Variants in KL observed in about 807,000 individuals in gnomAD.
KL encodes alpha-klotho.
KL carries 62 observed loss-of-function variants against 84.2 expected under a neutral mutation model. The observed-to-expected ratio is 0.74, with a 90% confidence interval of 0.60 to 0.91. KL has a LOEUF of 0.91. Ranked by LOEUF, KL falls within the 40% of genes least tolerant of loss-of-function variation. KL has a pLI of 0.00. For missense variants in KL, 1,261 were observed against 1,305.7 expected (o/e 0.97, Z 0.53); for synonymous variants, 528 against 528.0 (o/e 1.00, Z 0.00).
At chr13:33,029,568 A>C in intron 1 of KL, among the ~76,000 whole-genome samples, 1 of 152,234 alleles carries the variant, frequency 6.6e-6, no homozygotes, top group Admixed American at 6.5e-5. Context: ...GTGTTCTCAG[A>C]TATGCTGTAT....
At chr13:33,049,582 GT>G (rs1399475608) in intron 1 of KL, among the ~76,000 whole-genome samples, 1 of 152,178 alleles carries the variant, frequency 6.6e-6, no homozygotes, top group Non-Finnish European at 1.5e-5. Flanking sequence ...GGGTGTAAGA[GT>G]GAAGGAACTG....
At chr13:33,038,053 C>A (rs921960098) in intron 1 of KL, among the ~76,000 whole-genome samples, 3 of 152,214 alleles carry the variant, frequency 2.0e-5, no homozygotes, top group Non-Finnish European at 4.4e-5. Flanking sequence ...CAGTATCCTG[C>A]CAATTTTCCA....
chr13:33,061,885 A>G (rs1250934275), intron 4 of KL, 105 bp downstream of exon 4: 3 of 1,187,998 alleles, frequency 2.5e-6, no homozygotes, highest in Non-Finnish European at 3.7e-6. Context: ...CTTGGAATGG[A>G]GGGCTATCCA....
chr13:33,017,363 A>G, intron 1 of KL, 104 bp downstream of exon 1: 1 of 1,086,396 alleles, frequency 9.2e-7, no homozygotes, highest in Non-Finnish European at 1.3e-6. Context: ...ACGAGGCTTC[A>G]CTTGGACACG....
At chr13:33,052,068 T>G (rs1382750342) in intron 1 of KL, among the ~76,000 whole-genome samples, 1 of 152,236 alleles carries the variant, frequency 6.6e-6, no homozygotes, top group Admixed American at 6.5e-5. Context: ...GTGATCCTCC[T>G]GCCTCAGCCT....
intron 1 of KL, among the ~76,000 whole-genome samples, chr13:33,040,715 A>G (rs979566158): frequency 6.6e-6 from 1 of 152,212 alleles, no homozygotes; most frequent in Admixed American, 6.5e-5. Flanking sequence ...CCCCTGAAAC[A>G]TATTTGGGTG....
intron 1 of KL, among the ~76,000 whole-genome samples, chr13:33,045,371 A>G (rs1195764750): frequency 3.3e-5 from 5 of 152,236 alleles, no homozygotes; most frequent in Admixed American, 6.5e-5. Flanking sequence ...TTCTAGTACA[A>G]TGTTAGAGAG....
At chr13:33,060,421 G>T (rs1032154162) in intron 3 of KL, among the ~76,000 whole-genome samples, 1 of 152,138 alleles carries the variant, frequency 6.6e-6, no homozygotes, top group Non-Finnish European at 1.5e-5. Flanking sequence ...CATCTGAAGT[G>T]ACCAAATCCA....
In KL at chr13:33,061,254, A is replaced by G; in HGVS notation, c.2175A>G (p.Lys725=). ...AGTTTAGGCATGCTCAGAATGGGAA[A>G]ATATCCATAGCCTTGCAGGCTGATT... ...NEKFRHAQNG[K]ISIALQADWI... The change falls in exon 4 of 5, where the codon AAA becomes AAG. Residue 725 remains lysine (K), a synonymous_variant. Transcript: ENST00000380099. 6.2e-7 allele frequency: 1 copy of G among 1,614,240 alleles called. No homozygotes were observed. The highest frequency in any genetic ancestry group is 8.5e-7 in the Non-Finnish European group (1 of 1,180,040).
intron 1 of KL, among the ~76,000 whole-genome samples, chr13:33,036,101 G>C (rs1349175007): frequency 6.6e-6 from 1 of 152,104 alleles, no homozygotes; most frequent in Admixed American, 6.6e-5. Context: ...TTGTTACAGT[G>C]TACTTTTAAC....
intron 1 of KL, among the ~76,000 whole-genome samples, chr13:33,043,412 GTT>G (rs1242100129): frequency 6.6e-6 from 1 of 152,048 alleles, no homozygotes; most frequent in Non-Finnish European, 1.5e-5. Flanking sequence ...TAGAGATGGG[GTT>G]TCACCATGTT....
At chr13:33,024,308 T>C (rs906234059) in intron 1 of KL, among the ~76,000 whole-genome samples, 1 of 152,224 alleles carries the variant, frequency 6.6e-6, no homozygotes, top group Admixed American at 6.5e-5. Flanking sequence ...TCTGAGAATA[T>C]GAATGTAACC....
intron 3 of KL, among the ~76,000 whole-genome samples, chr13:33,060,086 C>G (rs1270402222): frequency 6.6e-6 from 1 of 152,128 alleles, no homozygotes; most frequent in Non-Finnish European, 1.5e-5. Flanking sequence ...ACCTCAGCCT[C>G]CCGAGCAACT....
chr13:33,060,551 T>C (rs1872136205), intron 3 of KL, 128 bp from the exon 4 acceptor site: 1 of 1,014,456 alleles, frequency 9.9e-7, no homozygotes, highest in Admixed American at 1.9e-5. Flanking sequence ...TGAAAAATAG[T>C]TCACATTCTC....
intron 3 of KL, 40 bp downstream of exon 3, chr13:33,055,355 C>T: frequency 1.2e-6 from 2 of 1,613,434 alleles, no homozygotes; most frequent in Non-Finnish European, 1.7e-6. Context: ...TCTCACCAAG[C>T]CCTATCACTA....
chr13:33,061,858 C>G, intron 4 of KL, 78 bp downstream of exon 4: 2 of 1,427,724 alleles, frequency 1.4e-6, no homozygotes, highest in Middle Eastern at 1.8e-4. Flanking sequence ...TCTCCAACAT[C>G]AACACACACT....
At chr13:33,037,318 C>T (rs560952908) in intron 1 of KL, among the ~76,000 whole-genome samples, 8 of 151,834 alleles carry the variant, frequency 5.3e-5, no homozygotes, top group South Asian at 4.2e-4. Flanking sequence ...TCTACAAAAC[C>T]GTCACTTTTA....
chr13:33,061,063 A>G lies in KL; in HGVS notation c.1984A>G (p.Thr662Ala), dbSNP rs370806117. ...ARQGAWENPY[T>A]ALAFAEYARL... ...GCAGGGCGCCTGGGAGAACCCCTAC[A>G]CTGCCCTGGCCTTTGCAGAGTATGC... The change falls in exon 4 of 5, where the codon ACT becomes GCT. Residue 662 changes from threonine (T) to alanine (A), a missense_variant. By Grantham distance (58) the Thr-to-Ala change is moderately conservative (BLOSUM62 0). Coordinates refer to ENST00000380099, the MANE Select transcript of KL (RefSeq NM_004795.4). The G allele has an allele frequency of 3.7e-6, 6 of 1,612,344 alleles. No individual in the cohort carries two copies. The highest frequency in any genetic ancestry group is 1.3e-5 in the African/African-American group (1 of 74,882).
At chr13:33,046,086 G>A (rs550165134) in intron 1 of KL, among the ~76,000 whole-genome samples, 2 of 152,252 alleles carry the variant, frequency 1.3e-5, no homozygotes, top group East Asian at 3.9e-4. Flanking sequence ...ATTCATAAGG[G>A]ATATTGATCT....
Sources: allele counts gnomAD v4.1 joint callset (sites outside exome capture counted in the v4.1 genomes callset), GRCh38; gene constraint gnomAD v4.1.1; transcripts MANE v1.5; gene names NCBI Gene and HGNC (gene_info 2026-07-23, HGNC 2026-07-21).